Variants in DCAF1 observed in about 807,000 individuals in gnomAD.
DCAF1 encodes DDB1- and CUL4-associated factor 1.
DCAF1 carries 15 observed loss-of-function variants against 128.0 expected under a neutral mutation model. The ratio of observed to expected loss-of-function variants is 0.12; its 90% CI spans 0.08 to 0.18. DCAF1 has a LOEUF of 0.18. Ranked by LOEUF, DCAF1 falls within the 10% of genes least tolerant of loss-of-function variation. The pLI, the probability that DCAF1 is intolerant of heterozygous loss-of-function variation, is 1.00. For missense variants in DCAF1, 988 were observed against 1,649.5 expected (o/e 0.60, Z 6.95); for synonymous variants, 610 against 603.0 (o/e 1.01, Z -0.17).
At position 51,412,491 on chromosome 3, in the gene DCAF1, A is replaced by G; in HGVS notation, c.4111-11T>C. The G allele has an allele frequency of 6.2e-7, 1 of 1,613,782 alleles. No homozygotes were observed. Among genetic ancestry groups the G allele is most frequent in the Non-Finnish European group, 8.5e-7 (1 of 1,179,822 alleles). On this transcript the variant is annotated splice_polypyrimidine_tract_variant and intron_variant, in intron 22 of 24. Transcript: ENST00000684031. ...CATGCTGCCTTGATTCTGAAATAGA[A>G]CATCCAGTCCATAAGGAGCAGTTAC...
chr3:51,398,915 A>C, intron 24 of DCAF1, 88 bp from the exon 25 acceptor site: 2 of 1,490,412 alleles, frequency 1.3e-6, no homozygotes, highest in Non-Finnish European at 1.8e-6. Flanking sequence ...ACATACATTC[A>C]TGCCCGAGCA....
At chr3:51,408,007 A>AAAC (rs1553627252) in intron 23 of DCAF1, among the ~76,000 whole-genome samples, 9 of 150,136 alleles carry the variant, frequency 6.0e-5, no homozygotes, top group Non-Finnish European at 1.2e-4. Context: ...AAAAAAAAAA[A>AAAC]AACAACCAGA....
At chr3:51,482,099 G>T (rs1236366174) in intron 3 of DCAF1, among the ~76,000 whole-genome samples, 1 of 152,054 alleles carries the variant, frequency 6.6e-6, no homozygotes, top group Non-Finnish European at 1.5e-5. Context: ...GAGACACACA[G>T]AAATGAGGAT....
chr3:51,419,774 C>T lies in DCAF1; in HGVS notation c.3196G>A (p.Val1066Met). Residue 1066 changes from valine to methionine, a missense_variant, in exon 15 of 25, where the codon GTG (valine) becomes ATG (methionine). Physicochemically the swap from Val to Met is conservative, Grantham distance 21. Coordinates refer to ENST00000684031, the MANE Select transcript of DCAF1 (RefSeq NM_001387579.1). ...RRASFPKYGG[V>M]DGGCFDRHLI... ...TGCCTATCAAAGCATCCGCCATCCACCCCTCCATACTTTGGAAATGATGCC... is the reference window on the plus strand; with the variant it reads ...TGCCTATCAAAGCATCCGCCATCCATCCCTCCATACTTTGGAAATGATGCC... 6.2e-7 allele frequency: 1 copy of T among 1,613,770 alleles called. No homozygotes were observed. The highest frequency in any genetic ancestry group is 8.5e-7 in the Non-Finnish European group (1 of 1,179,730).
In DCAF1 at chr3:51,429,339, G is replaced by A. The variant is rs1553634945; in HGVS notation, c.1599C>T (p.Ala533=). The A allele has an allele frequency of 1.3e-6, 1 of 780,744 alleles. No individual in the cohort carries two copies. The allele number at this position is 780,744 out of a possible 1,614,324, so 48.4% of individuals were successfully genotyped here. Residue 533 remains alanine, a synonymous_variant, in exon 12 of 25, where the codon GCC becomes GCT. Transcript: ENST00000684031. ...ACTGCTTCACTTGTTCCAATTTAAT[G>A]GCCAGGTGAGCCTCAAAGTATTTGC... ...ALRKYFEAHL[A]IKLEQVKQSL...
chr3:51,451,666 G>T (rs1553641522), intron 6 of DCAF1, among the ~76,000 whole-genome samples: 1 of 151,568 alleles, frequency 6.6e-6, no homozygotes, highest in Non-Finnish European at 1.5e-5. Context: ...GGAGGCCGAG[G>T]CAGGAGACTC....
intron 12 of DCAF1, among the ~76,000 whole-genome samples, chr3:51,427,904 T>TCCTCCCACCTCAG (rs2107511624): frequency 6.6e-6 from 1 of 152,078 alleles, no homozygotes; most frequent in East Asian, 1.9e-4. Flanking sequence ...ACTCAAGCGA[T>TCCTCCCACCTCAG]CCTCCCACCT....
rs373002872 is a variant in DCAF1, at chr3:51,441,738, C to T, written c.673G>A (p.Val225Ile). 145 of 1,613,882 alleles carry T rather than the reference C, an allele frequency of 9.0e-5. No individual in the cohort carries two copies. The highest frequency in any genetic ancestry group is 1.2e-4 in the Non-Finnish European group (139 of 1,179,896). The change falls in exon 8 of 25, where the codon GTA (valine) becomes ATA (isoleucine). Residue 225 changes from valine (V) to isoleucine (I), a missense_variant. By Grantham distance (29) the Val-to-Ile change is conservative. This residue lies in a region of DCAF1 where 210 missense variants were observed against 260.2 expected (regional missense o/e 0.81). Transcript: ENST00000684031. ...DMDYGDMAVD[V>I]VDGDQEEASG... is the part of the protein sequence containing the mutation. The stretch of plus-strand genomic sequence containing the variant: ...GCTTCCTCTTGGTCTCCATCCACTA[C>T]ATCTACAGCCATGTCACCATAGTCC...
chr3:51,403,052 G>C (rs2089846521), intron 24 of DCAF1, 91 bp downstream of exon 24: 1 of 1,496,202 alleles, frequency 6.7e-7, no homozygotes, highest in Non-Finnish European at 8.9e-7. Context: ...ACAGAACCGT[G>C]GTATGGCTTG....
At chr3:51,465,375 G>C (rs2108104308) in intron 5 of DCAF1, among the ~76,000 whole-genome samples, 1 of 152,166 alleles carries the variant, frequency 6.6e-6, no homozygotes, top group East Asian at 1.9e-4. Context: ...GAAATGTCTA[G>C]AAGTGATCTG....
chr3:51,450,791 A>C (rs1356397962), intron 6 of DCAF1, among the ~76,000 whole-genome samples: 1 of 152,142 alleles, frequency 6.6e-6, no homozygotes, highest in African/African-American at 2.4e-5. Context: ...CAAGGTGTCC[A>C]CTTTTGCCAC....
chr3:51,443,871 G>A lies in DCAF1; in HGVS notation c.408C>T (p.Ala136=), dbSNP rs782503844. 6.2e-7 allele frequency: 1 copy of A among 1,607,164 alleles called. No homozygotes were observed. Among genetic ancestry groups the A allele is most frequent in the Non-Finnish European group, 8.5e-7 (1 of 1,178,188 alleles). Residue 136 remains alanine, a synonymous_variant, in exon 7 of 25, where the codon GCC becomes GCT. Transcript: ENST00000684031. ...EGIVENLFKW[A]READQPLRTY... ...TCCTCAATGGTTGATCGGCCTCTCG[G>A]GCCCATTTGAAAAGATTCTCGACAA...
intron 13 of DCAF1, 47 bp downstream of exon 13, chr3:51,427,325 A>C: frequency 1.6e-6 from 1 of 643,296 alleles, no homozygotes; most frequent in Non-Finnish European, 2.9e-6. Context: ...ATCAACTTTA[A>C]CAAAAAGATG....
intron 1 of DCAF1, among the ~76,000 whole-genome samples, chr3:51,497,292 C>A (rs1490250501): frequency 6.0e-5 from 9 of 150,094 alleles, no homozygotes; most frequent in Non-Finnish European, 1.0e-4. Context: ...AAGACTGTCT[C>A]AAAAAAAATA....
In DCAF1 at chr3:51,437,266, CAAAAAAA is replaced by C. The variant is rs71633071; in HGVS notation, c.1128+3697_1128+3703del. ...CCAGGTGACAGATAAGACTCCATGT[CAAAAAAA>C]AAAAAAAAAAAAAAAAAGAAAGAAA... On this transcript the variant is annotated intron_variant, in intron 9 of 24. Transcript: ENST00000684031. 518 of 256,308 alleles carry C rather than the reference CAAAAAAA, an allele frequency of 2.0e-3. 1 individual carries two copies. Among genetic ancestry groups the C allele is most frequent in the East Asian group, 2.8e-3 (26 of 9,270 alleles). The allele number at this position is 256,308 out of a possible 1,614,324, so 15.9% of individuals were successfully genotyped here. A position where few individuals can be genotyped will look rare whatever the true frequency, so the allele number is the denominator to read the frequency against.
intron 17 of DCAF1, 118 bp from the exon 18 acceptor site, chr3:51,416,989 G>A (rs974592293): frequency 4.3e-5 from 63 of 1,459,398 alleles, no homozygotes; most frequent in Non-Finnish European, 5.6e-5. Flanking sequence ...AAAGATCCTG[G>A]ACTCCCAAAG....
chr3:51,438,092 T>C, intron 9 of DCAF1: 1 of 444,188 alleles, frequency 2.3e-6, no homozygotes, highest in Non-Finnish European at 4.4e-6. Context: ...GACTTCTGCA[T>C]GCCCAAAATT....
At position 51,457,084 on chromosome 3, in the gene DCAF1, A is replaced by G. The variant is rs567870925; in HGVS notation, c.375+6030T>C. On this transcript the variant is annotated intron_variant, in intron 6 of 24. Transcript: ENST00000684031. ...CGGAGAATGACTTTGATGAGTTGAG[A>G]GAAGAAGGCTTCAGATGATCAAACT... 3.3e-5 allele frequency among the ~76,000 whole-genome samples: 5 copies of G among 152,326 alleles called. No homozygotes were observed. In the South Asian group the frequency reaches 8.3e-4, roughly 25 times the overall value.
At chr3:51,449,194 T>C (rs4687610) in intron 6 of DCAF1, among the ~76,000 whole-genome samples, 11,218 of 152,258 alleles carry the variant, frequency 0.074, 976 homozygotes, top group East Asian at 0.33. Context: ...GTGGTTAAAA[T>C]GAAATTTATT....
Sources: gnomAD v4.1 joint callset for allele counts (sites outside exome capture counted in the v4.1 genomes callset) on GRCh38, gnomAD v4.1.1 for gene constraint, gnomAD v4.1.1 regional missense constraint, MANE v1.5 for transcripts, NCBI Gene and HGNC (gene_info 2026-07-23, HGNC 2026-07-21) for gene names.